SH3TC2: variants seen among roughly 807,000 people sequenced by gnomAD.
The protein encoded by SH3TC2 is SH3 domain and tetratricopeptide repeats 2.
SH3TC2 carries 87 observed loss-of-function variants against 124.5 expected under a neutral mutation model. The observed-to-expected ratio is 0.70, with a 90% CI of 0.59 to 0.84. SH3TC2 has a LOEUF of 0.84. SH3TC2 is among the 40% of genes least tolerant of loss of function. The probability of loss-of-function intolerance (pLI) is 0.00; values close to 1 mark genes in which losing one functional copy is unlikely to be tolerated. For missense variants in SH3TC2, 1,536 were observed against 1,566.4 expected (o/e 0.98, Z 0.33); for synonymous variants, 634 against 628.5 (o/e 1.01, Z -0.13).
intron 12 of SH3TC2, among the ~76,000 whole-genome samples, chr5:149,015,973 T>C (rs1286958861): frequency 6.6e-6 from 1 of 152,236 alleles, no homozygotes; most frequent in African/African-American, 2.4e-5. Context: ...AGGATGTTGT[T>C]GTTTTGATTT....
chr5:149,018,277 A>AC (rs1753908683), intron 12 of SH3TC2, among the ~76,000 whole-genome samples: 1 of 151,644 alleles, frequency 6.6e-6, no homozygotes, highest in Non-Finnish European at 1.5e-5. Context: ...ACCCATTGCA[A>AC]CCCCCCGCCC....
chr5:148,987,709 A>T lies in SH3TC2; in HGVS notation c.*17002T>A, dbSNP rs1301648513. Among the ~76,000 whole-genome samples, 1 of 152,198 alleles carries T rather than the reference A, an allele frequency of 6.6e-6. No individual in the cohort carries two copies. The highest frequency in any genetic ancestry group is 1.9e-4 in the East Asian group (1 of 5,194). ...GGAGTGATTCAGTGAAGATCATCAG[A>T]TTAAGACTGAGAAGAACAAAGCTGT... On this transcript the variant is annotated 3_prime_UTR_variant, in exon 17 of 17. Coordinates refer to ENST00000515425, the MANE Select transcript of SH3TC2 (RefSeq NM_024577.4).
intron 12 of SH3TC2, among the ~76,000 whole-genome samples, chr5:149,013,963 A>C (rs916991857): frequency 6.6e-6 from 1 of 152,182 alleles, no homozygotes; most frequent in African/African-American, 2.4e-5. Flanking sequence ...CTCTCCATGT[A>C]ATTCTGTCAT....
chr5:149,052,078 A>C (rs1580916950), intron 2 of SH3TC2, 64 bp downstream of exon 2: 2 of 1,148,274 alleles, frequency 1.7e-6, no homozygotes, highest in East Asian at 4.7e-5. Context: ...TAGATGGGAA[A>C]GATAAAGAGG....
Position 148,986,768 on chromosome 5 carries a change from C to T in SH3TC2, c.*17943G>A, listed in dbSNP as rs1378171254. On this transcript the variant is annotated 3_prime_UTR_variant, in exon 17 of 17. Transcript: ENST00000515425. ...GCTCAGTCAACCAAATGTGACGAGC[C>T]TAAATCCCATTCCCATGCTGTAATC... 6.6e-6 allele frequency among the ~76,000 whole-genome samples: 1 copy of T among 152,148 alleles called. No homozygotes were observed. Among genetic ancestry groups the T allele is most frequent in the Non-Finnish European group, 1.5e-5 (1 of 68,034 alleles).
chr5:149,027,748 G>A lies in SH3TC2; in HGVS notation c.1984C>T (p.Leu662Phe). ...VLPFAERLQLLSGHPPASEAV... is the reference protein window; with the variant it reads ...VLPFAERLQLFSGHPPASEAV... ...TCAGAGGCAGGAGGGTGTCCAGAGA[G>A]GAGCTGCAGGCGCTCGGCAAAGGGC... The change falls in exon 11 of 17, where the codon CTC becomes TTC. Residue 662 changes from leucine (L) to phenylalanine (F), a missense_variant. By Grantham distance (22) the Leu-to-Phe change is conservative (BLOSUM62 0). Transcript: ENST00000515425. 2.5e-6 allele frequency: 4 copies of A among 1,613,964 alleles called. No homozygotes were observed. The highest frequency in any genetic ancestry group is 3.4e-6 in the Non-Finnish European group (4 of 1,179,936).
intron 2 of SH3TC2, among the ~76,000 whole-genome samples, chr5:149,050,683 A>G (rs1754540699): frequency 6.6e-6 from 1 of 152,234 alleles, no homozygotes; most frequent in Non-Finnish European, 1.5e-5. Context: ...AAGAAGTTTG[A>G]CAGAATTTGA....
rs1219992838 is a variant in SH3TC2, at chr5:148,998,166, C to T, written c.*6545G>A. Among the ~76,000 whole-genome samples the T allele has an allele frequency of 1.3e-5, 2 of 152,112 alleles. No individual in the cohort carries two copies. Among genetic ancestry groups the T allele is most frequent in the South Asian group, 2.1e-4 (1 of 4,830 alleles). ...CAAAACAGAATGTATGAGTGCATTTCTCTATGTTGTTGCATATGCACAAAC... is the reference window on the plus strand; with the variant it reads ...CAAAACAGAATGTATGAGTGCATTTTTCTATGTTGTTGCATATGCACAAAC... On this transcript the variant is annotated 3_prime_UTR_variant, in exon 17 of 17. Coordinates refer to ENST00000515425, the MANE Select transcript of SH3TC2 (RefSeq NM_024577.4).
rs890627592 is a variant in SH3TC2 at position 148,988,721 on chromosome 5, G to C, written c.*15990C>G. On this transcript the variant is annotated 3_prime_UTR_variant, in exon 17 of 17. Coordinates refer to ENST00000515425, the MANE Select transcript of SH3TC2 (RefSeq NM_024577.4). ...CCACTATTGGACTGCAACAACAGTA[G>C]AGAACCCAAGCGAGAATTGCCCGGG... Among the ~76,000 whole-genome samples the C allele has an allele frequency of 6.6e-6, 1 of 152,244 alleles. No homozygotes were observed. Among genetic ancestry groups the C allele is most frequent in the Non-Finnish European group, 1.5e-5 (1 of 68,046 alleles).
At position 149,027,158 on chromosome 5, in the gene SH3TC2, G is replaced by A. The variant is rs200772521; in HGVS notation, c.2574C>T (p.Ser858=). 10 of 1,614,092 alleles carry A rather than the reference G, an allele frequency of 6.2e-6. No individual in the cohort carries two copies. Among genetic ancestry groups the A allele is most frequent in the African/African-American group, 1.3e-5 (1 of 74,962 alleles). ...GGGCTCTGTTCAAGGCCCGAAGATA[G>A]CTCTTGGCTGCCCTGTTCACCCGGC... ...GEGRVNRAAK[S]YLRALNRAQE... The change falls in exon 11 of 17, where the codon AGC becomes AGT. Residue 858 remains serine (S), a synonymous_variant. Transcript: ENST00000515425.
Position 149,027,672 on chromosome 5 carries a change from T to G in SH3TC2, c.2060A>C (p.His687Pro), listed in dbSNP as rs1171441665. 6.2e-7 allele frequency: 1 copy of G among 1,614,116 alleles called. No individual in the cohort carries two copies. The highest frequency in any genetic ancestry group is 1.1e-5 in the South Asian group (1 of 91,074). Residue 687 changes from histidine to proline, a missense_variant, in exon 11 of 17, where the codon CAC (histidine) becomes CCC (proline). Around this residue, in one of 3 missense-constraint regions of SH3TC2, gnomAD observed 1,102 missense variants for 1,098.6 expected, o/e 1.00. Coordinates refer to ENST00000515425, the MANE Select transcript of SH3TC2 (RefSeq NM_024577.4). ...TTGCTGGACAGAGGCCACTGCAAGG[T>G]GTGGAAGATATTTCTTGTCATACAG... ...SFLYDKKYLP[H>P]LAVASVQQHG...
rs1179486056 is a variant in SH3TC2 at position 148,999,797 on chromosome 5, A to G, written c.*4914T>C. Among the ~76,000 whole-genome samples the G allele has an allele frequency of 2.0e-4, 31 of 152,096 alleles. No individual in the cohort carries two copies. The highest frequency in any genetic ancestry group is 1.6e-4 in the Non-Finnish European group (11 of 68,026). ...ATCATCTTTCCAAAGCACAAATCTG[A>G]CCATGTTTCTTTCAACTGCTTATAA... On this transcript the variant is annotated 3_prime_UTR_variant, in exon 17 of 17. Coordinates refer to ENST00000515425, the MANE Select transcript of SH3TC2 (RefSeq NM_024577.4).
chr5:149,040,768 TGAG>T (rs1205387782), intron 6 of SH3TC2, 91 bp from the exon 7 acceptor site: 1 of 1,092,112 alleles, frequency 9.2e-7, no homozygotes, highest in Non-Finnish European at 1.4e-6. Flanking sequence ...ATGATGATGA[TGAG>T]TATTGTTTTT....
chr5:149,017,374 C>A (rs749145047), intron 12 of SH3TC2, among the ~76,000 whole-genome samples: 5 of 152,064 alleles, frequency 3.3e-5, no homozygotes, highest in Non-Finnish European at 5.9e-5. Flanking sequence ...AGACTGCAAA[C>A]CTTTATCAAA....
At chr5:149,013,183 C>T (rs1228053212) in intron 12 of SH3TC2, among the ~76,000 whole-genome samples, 1 of 152,158 alleles carries the variant, frequency 6.6e-6, no homozygotes, top group Non-Finnish European at 1.5e-5. Context: ...TAAATCTCAT[C>T]TTGAATTGTA....
At chr5:149,038,912 G>A (rs991836633) in intron 7 of SH3TC2, among the ~76,000 whole-genome samples, 18 of 152,300 alleles carry the variant, frequency 1.2e-4, no homozygotes, top group African/African-American at 4.3e-4. Context: ...AGAACCACTC[G>A]ACCAGAGAAG....
intron 9 of SH3TC2, among the ~76,000 whole-genome samples, chr5:149,029,224 G>C (rs1216062680): frequency 6.6e-6 from 1 of 152,200 alleles, no homozygotes; most frequent in East Asian, 1.9e-4. Context: ...TCATCCACTT[G>C]GCAGACATTG....
chr5:149,041,014 A>G (rs964462501), intron 6 of SH3TC2, among the ~76,000 whole-genome samples: 1 of 152,180 alleles, frequency 6.6e-6, no homozygotes, highest in Non-Finnish European at 1.5e-5. Context: ...AAGTTTAATC[A>G]TATCTTCCAG....
intron 1 of SH3TC2, among the ~76,000 whole-genome samples, chr5:149,058,595 A>G (rs1754691636): frequency 6.7e-6 from 1 of 149,670 alleles, no homozygotes. Flanking sequence ...CTTGTTCTGG[A>G]TATTACTCCC....
Sources: allele counts gnomAD v4.1 joint callset (sites outside exome capture counted in the v4.1 genomes callset), GRCh38; gene constraint gnomAD v4.1.1; regional missense constraint gnomAD v4.1.1; transcripts MANE v1.5; gene names NCBI Gene and HGNC (gene_info 2026-07-23, HGNC 2026-07-21).